Variants in TLK1 observed in about 807,000 individuals in gnomAD.
TLK1 encodes serine/threonine-protein kinase tousled-like 1.
A neutral mutation model predicts 105.3 loss-of-function variants in TLK1; 24 were observed. That is an observed-to-expected ratio of 0.23 (90% CI 0.17 to 0.32). The LOEUF (loss-of-function observed/expected upper bound fraction) is 0.32. Ranked by LOEUF, TLK1 falls within the 10% of genes least tolerant of loss-of-function variation. The pLI is 1.00. For synonymous variants in TLK1, 321 were observed against 310.4 expected (o/e 1.03, Z -0.36); for missense variants, 558 against 910.5 (o/e 0.61, Z 4.98).
chr2:171,029,435 G>C (rs1685934623), intron 11 of TLK1, among the ~76,000 whole-genome samples: 1 of 152,124 alleles, frequency 6.6e-6, no homozygotes, highest in Non-Finnish European at 1.5e-5. Context: ...TTCCAGAACA[G>C]CCTGGGCAAC....
chr2:171,164,808 TC>T (rs1246625925), upstream of TLK1, among the ~76,000 whole-genome samples: 20 of 152,116 alleles, frequency 1.3e-4, no homozygotes, highest in African/African-American at 4.8e-4. Flanking sequence ...ATATGGGCAT[TC>T]AAAAAATGTC....
At chr2:171,018,338 C>G (rs1181753600) in intron 12 of TLK1, among the ~76,000 whole-genome samples, 3 of 152,240 alleles carry the variant, frequency 2.0e-5, no homozygotes, top group Non-Finnish European at 4.4e-5. Flanking sequence ...GGTGCCCAGT[C>G]TGATATTTTG....
At chr2:171,185,541 T>G (rs1223322023) in intron 1 of TLK1, among the ~76,000 whole-genome samples, 1 of 152,226 alleles carries the variant, frequency 6.6e-6, no homozygotes, top group Non-Finnish European at 1.5e-5. Flanking sequence ...TTCAATCCTT[T>G]GTATCTTTGG....
chr2:171,129,822 G>C (rs11900305), intron 1 of TLK1, among the ~76,000 whole-genome samples: 4,885 of 129,278 alleles, frequency 0.038, 258 homozygotes, highest in African/African-American at 0.12. Context: ...GATATAGATA[G>C]GTTACCAAAT....
chr2:171,028,803 C>T (rs763526289), intron 11 of TLK1, among the ~76,000 whole-genome samples: 4 of 151,958 alleles, frequency 2.6e-5, no homozygotes, highest in Non-Finnish European at 5.9e-5. Context: ...AGCGTACACT[C>T]TATAGTGGAA....
intron 2 of TLK1, 75 bp downstream of exon 2, chr2:171,117,664 G>T: frequency 1.7e-6 from 2 of 1,159,088 alleles, no homozygotes; most frequent in Non-Finnish European, 2.5e-6. Context: ...ACGTTATGTA[G>T]GAATCCTTTA....
rs72880325 is a variant in TLK1, at chr2:171,081,330, A to T, written c.330+1451T>A. On this transcript the variant is annotated intron_variant, in intron 3 of 20. Transcript: ENST00000431350. ...AACTTTCACCATGTTTTGCTTTTTT[A>T]AAAAATCTATCAAAAATATCATATT... Among the ~76,000 whole-genome samples, 583 of 152,310 alleles carry T rather than the reference A, an allele frequency of 3.8e-3. 4 individuals are homozygous for T. The highest frequency in any genetic ancestry group is 5.1e-3 in the Non-Finnish European group (347 of 68,030).
At chr2:171,208,359 T>C (rs997930246) in intron 1 of TLK1, among the ~76,000 whole-genome samples, 51 of 5,434 alleles carry the variant, frequency 9.4e-3, no homozygotes, top group Non-Finnish European at 0.014. Context: ...TTTTAAATCA[T>C]TGAAGGATTT....
At chr2:171,133,074 T>A (rs1691167442) in intron 1 of TLK1, among the ~76,000 whole-genome samples, 1 of 152,152 alleles carries the variant, frequency 6.6e-6, no homozygotes, top group South Asian at 2.1e-4. Flanking sequence ...TGTAAAACTA[T>A]ATAATAATAA....
chr2:171,101,824 T>C (rs539162941), intron 2 of TLK1, among the ~76,000 whole-genome samples: 1 of 152,266 alleles, frequency 6.6e-6, no homozygotes, highest in South Asian at 2.1e-4. Context: ...CCATGAGACA[T>C]TGTTTTAAAA....
At chr2:171,141,105 G>A (rs1163395439) in intron 1 of TLK1, among the ~76,000 whole-genome samples, 3 of 152,232 alleles carry the variant, frequency 2.0e-5, no homozygotes, top group Middle Eastern at 3.4e-3. Flanking sequence ...AAGGATGTAA[G>A]AAACATAGGG....
chr2:171,062,776 AC>A, intron 3 of TLK1, among the ~76,000 whole-genome samples: 1 of 152,346 alleles, frequency 6.6e-6, no homozygotes, highest in African/African-American at 2.4e-5. Context: ...AATCTACTAT[AC>A]AAAAATATTT....
intron 1 of TLK1, among the ~76,000 whole-genome samples, chr2:171,212,578 C>A (rs887658903): frequency 6.6e-6 from 1 of 152,090 alleles, no homozygotes; most frequent in Admixed American, 6.5e-5. Context: ...AGTTCCAGCA[C>A]CGGCTCCTTT....
At chr2:171,048,997 C>G (rs1333391477) in intron 10 of TLK1, among the ~76,000 whole-genome samples, 4 of 152,150 alleles carry the variant, frequency 2.6e-5, no homozygotes, top group African/African-American at 9.7e-5. Flanking sequence ...AACTATAATT[C>G]CTCTGTTTAA....
chr2:171,037,033 G>GA, intron 11 of TLK1, among the ~76,000 whole-genome samples: 1 of 151,510 alleles, frequency 6.6e-6, no homozygotes. Context: ...ACAGAGCAAA[G>GA]AAAAAAAATA....
Position 171,102,563 on chromosome 2 carries a change from A to G in TLK1, c.258+15176T>C, listed in dbSNP as rs1374628863. Among the ~76,000 whole-genome samples, 3 of 152,352 alleles carry G rather than the reference A, an allele frequency of 2.0e-5. 1 individual carries two copies. The highest frequency in any genetic ancestry group is 4.1e-4 in the South Asian group (2 of 4,828). Reference sequence around the variant, plus strand: ...AGGCGAAACAGGCTTAGGGTAAAACAATAGTCAAAATCTAAAAGAATTATT... The same window carrying G: ...AGGCGAAACAGGCTTAGGGTAAAACGATAGTCAAAATCTAAAAGAATTATT... On this transcript the variant is annotated intron_variant, in intron 2 of 20. Coordinates refer to ENST00000431350, the MANE Select transcript of TLK1 (RefSeq NM_012290.5).
chr2:171,052,410 T>G (rs928786805), intron 8 of TLK1, among the ~76,000 whole-genome samples: 10 of 152,218 alleles, frequency 6.6e-5, no homozygotes, highest in African/African-American at 2.4e-4. Context: ...CCTGAAGACA[T>G]GTACAAAGAA....
At chr2:171,091,934 C>G (rs1490991006) in intron 2 of TLK1, 2 of 151,948 alleles carry the variant, frequency 1.3e-5, no homozygotes, top group Non-Finnish European at 2.9e-5. Flanking sequence ...TTAGTAGAGA[C>G]AGGGTTTCAC....
intron 3 of TLK1, among the ~76,000 whole-genome samples, chr2:171,072,526 G>A (rs916745928): frequency 5.3e-5 from 8 of 151,990 alleles, no homozygotes; most frequent in African/African-American, 1.2e-4. Context: ...GGGAGGCCAA[G>A]GTTGGTGGAT....
Sources: allele counts gnomAD v4.1 joint callset (sites outside exome capture counted in the v4.1 genomes callset), GRCh38; gene constraint gnomAD v4.1.1; transcripts MANE v1.5; gene names NCBI Gene and HGNC (gene_info 2026-07-23, HGNC 2026-07-21).